Variants in PRKG1 observed in about 807,000 individuals in gnomAD.
PRKG1 encodes the protein cGMP-dependent protein kinase 1.
In PRKG1, 35 loss-of-function variants were observed where a neutral mutation model predicts 88.1. The ratio of observed to expected loss-of-function variants is 0.40; its 90% CI spans 0.30 to 0.53. The LOEUF (loss-of-function observed/expected upper bound fraction) is 0.53. PRKG1 is among the 20% of genes least tolerant of loss of function. The pLI is 0.59. For synonymous variants in PRKG1, 303 were observed against 292.5 expected, an observed-to-expected ratio of 1.04 and a Z score of -0.37; for missense variants, 540 against 839.8, an observed-to-expected ratio of 0.64 and a Z score of 4.41.
At chr10:51,688,552 G>A (rs1466316344) in intron 3 of PRKG1, among the ~76,000 whole-genome samples, 1 of 137,550 alleles carries the variant, frequency 7.3e-6, no homozygotes, top group Non-Finnish European at 1.5e-5. Context: ...GTCTAAAATT[G>A]CCAGTAACAA....
intron 3 of PRKG1, among the ~76,000 whole-genome samples, chr10:51,627,879 C>CCCTTCCCGTCCTTCCCTTCCTTCCCTT (rs1839378920): frequency 1.4e-5 from 1 of 72,004 alleles, no homozygotes. Context: ...TCCTTCCCTT[C>CCCTTCCCGTCCTTCCCTTCCTTCCCTT]CCTTCCCTTC....
chr10:51,856,971 AAAAG>A lies in PRKG1; in HGVS notation c.699-50532_699-50529del, dbSNP rs200704299. 7.3e-4 allele frequency among the ~76,000 whole-genome samples: 83 copies of A among 113,668 alleles called. 4 individuals are homozygous for A. The highest frequency in any genetic ancestry group is 4.5e-3 in the Middle Eastern group (1 of 224). 74.6% of individuals were successfully genotyped at this position (113,668 alleles called of 152,430 possible). A position where few individuals can be genotyped will look rare whatever the true frequency, so the allele number is the denominator to read the frequency against. Reference sequence around the variant, plus strand: ...AGAGCGAGACTCCGTCTTACTAAAAAAAAGAAAAAAAAAAAAAGAAAGAAAGTAA... The same window carrying A: ...AGAGCGAGACTCCGTCTTACTAAAAAAAAAAAAAAAAAAGAAAGAAAGTAA... On this transcript the variant is annotated intron_variant, in intron 4 of 17. Transcript: ENST00000373980.
rs550803697 is a variant in PRKG1 at position 52,254,117 on chromosome 10, T to C, written c.1173+2451T>C. 1.4e-4 allele frequency among the ~76,000 whole-genome samples: 22 copies of C among 152,154 alleles called. No homozygotes were observed. The South Asian group carries it at 3.7e-3, about 26-fold the overall frequency. Reference sequence around the variant, plus strand: ...ATTCAATGATGCTGGAATTGGGAGTTTGGCCTCATCACTTTGCCCATAATT... The same window carrying C: ...ATTCAATGATGCTGGAATTGGGAGTCTGGCCTCATCACTTTGCCCATAATT... On this transcript the variant is annotated intron_variant, in intron 10 of 17. Transcript: ENST00000373980.
intron 4 of PRKG1, among the ~76,000 whole-genome samples, chr10:51,881,075 A>G (rs1054489680): frequency 6.6e-6 from 1 of 152,138 alleles, no homozygotes; most frequent in African/African-American, 2.4e-5. Context: ...CTCTGGAAGC[A>G]TAGTTCAGGT....
chr10:51,048,511 C>CA (rs1843519023), intron 1 of PRKG1, among the ~76,000 whole-genome samples: 1 of 152,054 alleles, frequency 6.6e-6, no homozygotes, highest in African/African-American at 2.4e-5. Flanking sequence ...CAAGAGTCTG[C>CA]AAAAAATCTT....
chr10:51,865,497 G>A (rs1840990832), intron 4 of PRKG1, among the ~76,000 whole-genome samples: 1 of 151,924 alleles, frequency 6.6e-6, no homozygotes, highest in Non-Finnish European at 1.5e-5. Context: ...AAACTAATAA[G>A]CACATAGGAC....
chr10:52,010,123 C>A (rs1844843098), intron 5 of PRKG1, among the ~76,000 whole-genome samples: 1 of 152,106 alleles, frequency 6.6e-6, no homozygotes, highest in African/African-American at 2.4e-5. Context: ...GCAAAGATTT[C>A]ATGACAAAGA....
chr10:50,998,028 G>GTTA (rs1316285494), intron 1 of PRKG1, among the ~76,000 whole-genome samples: 2 of 152,164 alleles, frequency 1.3e-5, no homozygotes, highest in Non-Finnish European at 2.9e-5. Context: ...TCTTAGGTCT[G>GTTA]TTATTATAAG....
At chr10:51,742,464 G>A (rs188106174) in intron 3 of PRKG1, among the ~76,000 whole-genome samples, 2 of 152,258 alleles carry the variant, frequency 1.3e-5, no homozygotes, top group East Asian at 1.9e-4. Context: ...TAACAAAGAG[G>A]GAGAAGACCA....
At chr10:51,766,850 A>G (rs1439051769) in intron 3 of PRKG1, among the ~76,000 whole-genome samples, 1 of 152,108 alleles carries the variant, frequency 6.6e-6, no homozygotes, top group Non-Finnish European at 1.5e-5. Flanking sequence ...AGCACCACAT[A>G]GTTTTTTACT....
At chr10:51,576,800 C>T (rs2132177765) in intron 3 of PRKG1, among the ~76,000 whole-genome samples, 1 of 151,758 alleles carries the variant, frequency 6.6e-6, no homozygotes, top group Non-Finnish European at 1.5e-5. Context: ...TAACTGAATT[C>T]TAAATGTGAT....
At chr10:51,709,171 G>C (rs1236436234) in intron 3 of PRKG1, among the ~76,000 whole-genome samples, 1 of 152,086 alleles carries the variant, frequency 6.6e-6, no homozygotes, top group Non-Finnish European at 1.5e-5. Context: ...TTAGAAAAAT[G>C]GTCTAATATA....
At chr10:51,931,508 A>C (rs1225710169) in intron 5 of PRKG1, among the ~76,000 whole-genome samples, 2 of 152,194 alleles carry the variant, frequency 1.3e-5, no homozygotes, top group Non-Finnish European at 2.9e-5. Flanking sequence ...ACCCTGGAGG[A>C]ATCAACCAGA....
At chr10:52,243,456 T>A (rs1389836499) in intron 9 of PRKG1, among the ~76,000 whole-genome samples, 1 of 152,148 alleles carries the variant, frequency 6.6e-6, no homozygotes, top group East Asian at 1.9e-4. Context: ...AAAAGCAATG[T>A]GGAGGTTAAA....
chr10:51,624,951 C>T (rs1457608165), intron 3 of PRKG1, among the ~76,000 whole-genome samples: 1 of 152,114 alleles, frequency 6.6e-6, no homozygotes, highest in Non-Finnish European at 1.5e-5. Flanking sequence ...TACAAAGTTA[C>T]AGATAAGAAG....
intron 5 of PRKG1, among the ~76,000 whole-genome samples, chr10:51,998,737 T>C (rs1303739617): frequency 6.6e-6 from 1 of 152,212 alleles, no homozygotes; most frequent in Non-Finnish European, 1.5e-5. Flanking sequence ...ATCAATTATT[T>C]GCAATTTTTG....
At chr10:51,423,121 A>C (rs1838466168) in intron 2 of PRKG1, among the ~76,000 whole-genome samples, 1 of 152,156 alleles carries the variant, frequency 6.6e-6, no homozygotes, top group Non-Finnish European at 1.5e-5. Flanking sequence ...GTTCAAGCAG[A>C]GTTATATTTC....
chr10:52,062,762 A>G, intron 7 of PRKG1, 131 bp downstream of exon 7: 2 of 750,554 alleles, frequency 2.7e-6, no homozygotes, highest in South Asian at 2.9e-5. Context: ...ACCCTTGATG[A>G]TAAATACATT....
intron 2 of PRKG1, among the ~76,000 whole-genome samples, chr10:51,398,242 C>A (rs901794607): frequency 6.6e-6 from 1 of 152,156 alleles, no homozygotes; most frequent in Non-Finnish European, 1.5e-5. Flanking sequence ...GAAACTGTTT[C>A]ATCTCAGATC....
Sources: allele counts gnomAD v4.1 joint callset (sites outside exome capture counted in the v4.1 genomes callset), GRCh38; gene constraint gnomAD v4.1.1; transcripts MANE v1.5; gene names NCBI Gene and HGNC (gene_info 2026-07-23, HGNC 2026-07-21).